The following MED27 variants were observed in gnomAD, a reference collection of about 807,000 sequenced individuals.
MED27 encodes the protein mediator of RNA polymerase II transcription subunit 27.
A neutral mutation model predicts 38.2 loss-of-function variants in MED27; 30 were observed. That is an observed-to-expected ratio of 0.79 (90% CI 0.59 to 1.07). MED27 has a LOEUF of 1.07. Ranked by LOEUF, MED27 falls within the 50% of genes least tolerant of loss-of-function variation. The pLI is 0.00. For missense variants in MED27, 289 were observed against 397.5 expected (o/e 0.73, Z 2.32); for synonymous variants, 122 against 153.5 (o/e 0.79, Z 1.52).
At chr9:132,008,825 A>C (rs1249466297) in intron 3 of MED27, among the ~76,000 whole-genome samples, 1 of 152,246 alleles carries the variant, frequency 6.6e-6, no homozygotes, top group Non-Finnish European at 1.5e-5. Flanking sequence ...TTGCAGAGAA[A>C]GGTGTGTGAG....
At chr9:131,912,942 G>T (rs1405971442) in intron 4 of MED27, among the ~76,000 whole-genome samples, 6 of 152,162 alleles carry the variant, frequency 3.9e-5, no homozygotes. Context: ...AGATGCAAAT[G>T]TTCTGATTTT....
At chr9:131,972,950 G>C (rs1273393222) in intron 3 of MED27, among the ~76,000 whole-genome samples, 1 of 152,104 alleles carries the variant, frequency 6.6e-6, no homozygotes, top group Non-Finnish European at 1.5e-5. Flanking sequence ...TTCCAAAACT[G>C]AGTATGTACC....
Position 131,889,286 on chromosome 9 carries a change from C to T in MED27, c.681+4599G>A, listed in dbSNP as rs1437021211. Among the ~76,000 whole-genome samples, 1 of 152,200 alleles carries T rather than the reference C, an allele frequency of 6.6e-6. No homozygotes were observed. Among genetic ancestry groups the T allele is most frequent in the Non-Finnish European group, 1.5e-5 (1 of 68,034 alleles). ...CCACCATTTCTTTTCCTCTCTTATGCTCGGAGGCTAAAAGCTGCCTTTTTT... is the reference window on the plus strand; with the variant it reads ...CCACCATTTCTTTTCCTCTCTTATGTTCGGAGGCTAAAAGCTGCCTTTTTT... On this transcript the variant is annotated intron_variant, in intron 5 of 7. Coordinates refer to ENST00000292035, the MANE Select transcript of MED27 (RefSeq NM_004269.4). This position sits in a 1 kb window ranked among gnomAD's most constrained non-coding sequence, Gnocchi z 4.2.
chr9:131,906,547 C>T (rs1830066153), intron 4 of MED27, among the ~76,000 whole-genome samples: 1 of 152,192 alleles, frequency 6.6e-6, no homozygotes, highest in South Asian at 2.1e-4. Context: ...TGGAAAGCTA[C>T]TGTAGGGCTT....
chr9:131,905,947 C>T (rs1457828022), intron 4 of MED27, among the ~76,000 whole-genome samples: 2 of 151,992 alleles, frequency 1.3e-5, no homozygotes, highest in Non-Finnish European at 2.9e-5. Context: ...TAGACATTCA[C>T]AGAGCTAACA....
intron 5 of MED27, among the ~76,000 whole-genome samples, chr9:131,884,733 G>A (rs1345287789): frequency 6.6e-6 from 1 of 150,712 alleles, no homozygotes; most frequent in African/African-American, 2.4e-5. Flanking sequence ...TCAGCCTCCT[G>A]AGTGGCTGGG....
At chr9:131,915,459 CG>C (rs1830271593) in intron 4 of MED27, among the ~76,000 whole-genome samples, 2 of 152,136 alleles carry the variant, frequency 1.3e-5, no homozygotes, top group Non-Finnish European at 2.9e-5. Context: ...TAACTAAAAA[CG>C]TAACTCAAGA....
chr9:132,014,233 G>A, intron 3 of MED27, 104 bp downstream of exon 3: 2 of 1,267,320 alleles, frequency 1.6e-6, no homozygotes, highest in Non-Finnish European at 2.2e-6. Flanking sequence ...AGGAAGGGAG[G>A]GAGGGAATTT....
intron 4 of MED27, among the ~76,000 whole-genome samples, chr9:131,912,825 A>G (rs533440953): frequency 6.6e-6 from 1 of 152,344 alleles, no homozygotes; most frequent in East Asian, 1.9e-4. Context: ...GAGCTAAAAA[A>G]AATCATTCCA....
intron 6 of MED27, chr9:131,868,796 A>G (rs1382906013): frequency 5.1e-6 from 5 of 985,468 alleles, no homozygotes; most frequent in South Asian, 9.4e-5. Context: ...CTCCCAGGGC[A>G]GGTAAGTCTT....
rs1306594091 is a variant in MED27, at chr9:131,997,875, G to A, written c.479+16462C>T. Among the ~76,000 whole-genome samples, 6 of 152,310 alleles carry A rather than the reference G, an allele frequency of 3.9e-5. No individual in the cohort carries two copies. Among genetic ancestry groups the A allele is most frequent in the South Asian group, 4.1e-4 (2 of 4,826 alleles). On this transcript the variant is annotated intron_variant, in intron 3 of 7. Transcript: ENST00000292035. The surrounding 1 kb of genome is among the most constrained non-coding windows in gnomAD (Gnocchi z 4.0). ...GGTGGCTTTCATTATTAACCAGTCCGATGGTGTTCCTTCCCTCACTGCAGA... is the reference window on the plus strand; with the variant it reads ...GGTGGCTTTCATTATTAACCAGTCCAATGGTGTTCCTTCCCTCACTGCAGA...
At chr9:131,994,273 A>G (rs1305560175) in intron 3 of MED27, among the ~76,000 whole-genome samples, 1 of 152,168 alleles carries the variant, frequency 6.6e-6, no homozygotes, top group Non-Finnish European at 1.5e-5. Context: ...TGTATTTGAC[A>G]ATTTCTACAA....
intron 3 of MED27, among the ~76,000 whole-genome samples, chr9:132,008,608 G>A (rs951441280): frequency 1.3e-5 from 2 of 152,210 alleles, no homozygotes; most frequent in African/African-American, 4.8e-5. Context: ...GGAGCTCAGG[G>A]AGGAATCTGA....
At chr9:131,863,507 C>A (rs9657745) in intron 6 of MED27, among the ~76,000 whole-genome samples, 1 of 152,218 alleles carries the variant, frequency 6.6e-6, no homozygotes, top group Non-Finnish European at 1.5e-5. Context: ...ACAGCACATA[C>A]GACAAGGAGC....
At chr9:132,071,407 C>G in intron 2 of MED27, among the ~76,000 whole-genome samples, 1 of 151,348 alleles carries the variant, frequency 6.6e-6, no homozygotes, top group South Asian at 2.1e-4. Flanking sequence ...ACCCCATGAA[C>G]GAGCACACAC....
chr9:132,046,540 G>A (rs1172531965), intron 2 of MED27, among the ~76,000 whole-genome samples: 2 of 152,098 alleles, frequency 1.3e-5, no homozygotes, highest in African/African-American at 4.8e-5. Context: ...AGAATATATG[G>A]AGCAGTTATT....
At chr9:131,898,242 T>C (rs1167727265) in intron 4 of MED27, among the ~76,000 whole-genome samples, 1 of 152,146 alleles carries the variant, frequency 6.6e-6, no homozygotes, top group Non-Finnish European at 1.5e-5. Flanking sequence ...TCTTATTTAT[T>C]TATTATTTTT....
chr9:132,028,576 T>C (rs1300109608), intron 2 of MED27, among the ~76,000 whole-genome samples: 2 of 152,024 alleles, frequency 1.3e-5, no homozygotes, highest in African/African-American at 4.8e-5. Flanking sequence ...CTATATACCC[T>C]GCCTACACAA....
At chr9:132,002,228 C>G (rs1394586406) in intron 3 of MED27, among the ~76,000 whole-genome samples, 1 of 152,178 alleles carries the variant, frequency 6.6e-6, no homozygotes, top group Non-Finnish European at 1.5e-5. Flanking sequence ...CAAAGAATGT[C>G]CAGTTCTTTC....
Sources: allele counts gnomAD v4.1 joint callset (sites outside exome capture counted in the v4.1 genomes callset), GRCh38; gene constraint gnomAD v4.1.1; non-coding constraint Gnocchi (gnomAD v3.1); transcripts MANE v1.5; gene names NCBI Gene and HGNC (gene_info 2026-07-23, HGNC 2026-07-21).